The following TCF12 variants were observed in gnomAD, a reference collection of about 807,000 sequenced individuals.
The protein encoded by TCF12 is DNA-binding protein HTF4.
A neutral mutation model predicts 86.0 loss-of-function variants in TCF12; 45 were observed. The observed-to-expected ratio is 0.52, with a 90% CI of 0.41 to 0.67. TCF12 has a LOEUF of 0.67. Ranked by LOEUF, TCF12 falls within the 30% of genes least tolerant of loss-of-function variation. TCF12 has a pLI of 0.00. For synonymous variants in TCF12, 330 were observed against 299.6 expected, an observed-to-expected ratio of 1.10 and a Z score of -1.05; for missense variants, 881 against 859.9, an observed-to-expected ratio of 1.02 and a Z score of -0.31.
chr15:57,237,946 A>G (rs1177578331), intron 12 of TCF12, among the ~76,000 whole-genome samples: 2 of 152,198 alleles, frequency 1.3e-5, no homozygotes, highest in African/African-American at 4.8e-5. Flanking sequence ...CACCATACAC[A>G]TTCTTTTTAT....
chr15:57,289,966 T>G (rs1485295515), downstream of TCF12: 1 of 151,956 alleles, frequency 6.6e-6, no homozygotes, highest in Non-Finnish European at 1.5e-5. Flanking sequence ...AGCCATCCAA[T>G]GAAACACTGC....
chr15:56,945,938 T>G (rs1312303982), intron 3 of TCF12, among the ~76,000 whole-genome samples: 1 of 152,192 alleles, frequency 6.6e-6, no homozygotes, highest in African/African-American at 2.4e-5. Flanking sequence ...CCTCTGCCTT[T>G]TGCCGTAGTA....
chr15:56,995,013 C>G (rs781493819), intron 3 of TCF12, among the ~76,000 whole-genome samples: 10 of 151,920 alleles, frequency 6.6e-5, no homozygotes, highest in Non-Finnish European at 1.5e-4. Context: ...GCTGTGGCAT[C>G]AAATATAACA....
intron 4 of TCF12, among the ~76,000 whole-genome samples, chr15:57,086,808 G>T (rs2048667836): frequency 6.8e-6 from 1 of 147,578 alleles, no homozygotes; most frequent in African/African-American, 2.5e-5. Context: ...TTCATACAAA[G>T]AAATAACAAC....
intron 4 of TCF12, among the ~76,000 whole-genome samples, chr15:57,087,923 T>C (rs536780916): frequency 6.6e-6 from 1 of 152,326 alleles, no homozygotes; most frequent in Admixed American, 6.5e-5. Flanking sequence ...CTCGTTTATC[T>C]TAGTTGCTAT....
At chr15:56,949,192 A>G (rs1490563051) in intron 3 of TCF12, among the ~76,000 whole-genome samples, 1 of 152,096 alleles carries the variant, frequency 6.6e-6, no homozygotes, top group Non-Finnish European at 1.5e-5. Flanking sequence ...TTGTTGCATT[A>G]CTCTGTACGC....
At chr15:57,204,173 C>T (rs1383795182) in intron 8 of TCF12, among the ~76,000 whole-genome samples, 2 of 152,166 alleles carry the variant, frequency 1.3e-5, no homozygotes, top group Non-Finnish European at 2.9e-5. Flanking sequence ...GGCATAGTGG[C>T]TCACGTAATC....
At chr15:57,076,114 C>T (rs1045883264) in intron 4 of TCF12, among the ~76,000 whole-genome samples, 10 of 151,544 alleles carry the variant, frequency 6.6e-5, no homozygotes, top group Admixed American at 2.0e-4. Context: ...CCTTGGCCTC[C>T]CAAAGTCCTG....
At chr15:56,990,124 A>G (rs896440617) in intron 3 of TCF12, among the ~76,000 whole-genome samples, 8 of 138,898 alleles carry the variant, frequency 5.8e-5, no homozygotes, top group Non-Finnish European at 1.1e-4. Flanking sequence ...TTACAGTGAC[A>G]CCATTTATTT....
chr15:57,068,773 T>G (rs976531884), intron 4 of TCF12, among the ~76,000 whole-genome samples: 5 of 152,162 alleles, frequency 3.3e-5, no homozygotes, highest in Non-Finnish European at 7.4e-5. Context: ...ATTTGGAAAC[T>G]TGTACTGTGT....
chr15:57,237,976 T>A (rs2059448991), intron 12 of TCF12, among the ~76,000 whole-genome samples: 2 of 152,298 alleles, frequency 1.3e-5, no homozygotes, highest in Non-Finnish European at 2.9e-5. Context: ...AGTGATTTTT[T>A]AAAAAGTCCT....
intron 3 of TCF12, among the ~76,000 whole-genome samples, chr15:56,947,223 C>T (rs2061043806): frequency 6.6e-6 from 1 of 152,124 alleles, no homozygotes; most frequent in Admixed American, 6.5e-5. Flanking sequence ...AAACATCTCC[C>T]AATCCTGTTT....
chr15:57,262,101 C>G lies in TCF12; in HGVS notation c.1475C>G (p.Thr492Ser), dbSNP rs1199512196. ...GGTTTTCCTTAACTTTAGGTTGGAA[C>G]TCATCGGGAAGACTCTGTCAGTCTC... Reference protein sequence around the residue: ...ASSRSASMVGTHREDSVSLNG... With the variant: ...ASSRSASMVGSHREDSVSLNG... Residue 492 changes from threonine to serine, a missense_variant, in exon 17 of 21, where the codon ACT (threonine) becomes AGT (serine). By Grantham distance (58) the Thr-to-Ser change is moderately conservative. This residue lies in a region of TCF12 where 766 missense variants were observed against 718.9 expected (regional missense o/e 1.07). Transcript: ENST00000333725. 1 of 1,610,052 alleles carries G rather than the reference C, an allele frequency of 6.2e-7. No individual in the cohort carries two copies. The highest frequency in any genetic ancestry group is 8.5e-7 in the Non-Finnish European group (1 of 1,177,908).
intron 3 of TCF12, among the ~76,000 whole-genome samples, chr15:57,050,582 A>T (rs1295317197): frequency 6.6e-6 from 1 of 152,080 alleles, no homozygotes; most frequent in East Asian, 1.9e-4. Context: ...TTGGATCTAC[A>T]GTTTTTTCAC....
chr15:56,958,806 A>T (rs1252963315), intron 3 of TCF12, among the ~76,000 whole-genome samples: 1 of 152,044 alleles, frequency 6.6e-6, no homozygotes, highest in Non-Finnish European at 1.5e-5. Context: ...GGATCACTTG[A>T]GGCCAGGGGT....
chr15:56,918,294 G>T, upstream of TCF12: 1 of 455,592 alleles, frequency 2.2e-6, no homozygotes, highest in Non-Finnish European at 4.4e-6. Flanking sequence ...TTCCACAGCT[G>T]TGTCTCCGTC....
chr15:57,228,449 G>T (rs1488970075), intron 8 of TCF12, among the ~76,000 whole-genome samples: 1 of 151,798 alleles, frequency 6.6e-6, no homozygotes, highest in Admixed American at 6.6e-5. Context: ...TATAAGGTCT[G>T]TCCTTTAAAA....
chr15:57,064,960 A>T (rs2068751255), intron 4 of TCF12, among the ~76,000 whole-genome samples: 1 of 152,132 alleles, frequency 6.6e-6, no homozygotes, highest in Admixed American at 6.5e-5. Flanking sequence ...ATGGGAGGAA[A>T]ACTGAGTAAG....
intron 3 of TCF12, among the ~76,000 whole-genome samples, chr15:56,977,340 C>G (rs1487539555): frequency 2.6e-5 from 4 of 151,954 alleles, no homozygotes; most frequent in Non-Finnish European, 4.4e-5. Flanking sequence ...CGAGACCAGC[C>G]TTGGCAACGT....
Sources: allele counts gnomAD v4.1 joint callset (sites outside exome capture counted in the v4.1 genomes callset), GRCh38; gene constraint gnomAD v4.1.1; regional missense constraint gnomAD v4.1.1; transcripts MANE v1.5; gene names NCBI Gene and HGNC (gene_info 2026-07-23, HGNC 2026-07-21).